ARID1B: variants seen among roughly 807,000 people sequenced by gnomAD.
The protein encoded by ARID1B is AT-rich interaction domain 1B.
A neutral mutation model predicts 212.3 loss-of-function variants in ARID1B; 30 were observed. The ratio of observed to expected loss-of-function variants is 0.14; its 90% confidence interval spans 0.11 to 0.19. The LOEUF is 0.19. ARID1B is among the 10% of genes least tolerant of loss of function. The pLI, the probability that ARID1B is intolerant of heterozygous loss-of-function variation, is 1.00. For missense variants in ARID1B, 2,891 were observed against 3,204.0 expected, an observed-to-expected ratio of 0.90 and a Z score of 2.36; for synonymous variants, 1,402 against 1,301.7, an observed-to-expected ratio of 1.08 and a Z score of -1.66.
intron 4 of ARID1B, among the ~76,000 whole-genome samples, chr6:156,974,750 A>G (rs1193277244): frequency 1.3e-5 from 2 of 152,258 alleles, no homozygotes; most frequent in African/African-American, 4.8e-5. Flanking sequence ...ACTAAAATAT[A>G]TGCTTTCACT....
At chr6:157,084,047 T>A (rs912856749) in intron 4 of ARID1B, among the ~76,000 whole-genome samples, 31 of 151,122 alleles carry the variant, frequency 2.1e-4, no homozygotes, top group Non-Finnish European at 4.1e-4. Context: ...GGCAGGAGAA[T>A]CGCTTGAACC....
At chr6:156,784,999 A>T (rs1779539139) in intron 1 of ARID1B, among the ~76,000 whole-genome samples, 1 of 152,124 alleles carries the variant, frequency 6.6e-6, no homozygotes, top group Non-Finnish European at 1.5e-5. Flanking sequence ...ACCTCAAGTG[A>T]TCCACCCTCC....
chr6:157,050,040 A>G (rs1782491375), intron 4 of ARID1B, among the ~76,000 whole-genome samples: 1 of 152,154 alleles, frequency 6.6e-6, no homozygotes, highest in Admixed American at 6.5e-5. Flanking sequence ...GAACATCAGC[A>G]CCAGCAAAAG....
chr6:157,002,662 T>C (rs189617236), intron 4 of ARID1B, among the ~76,000 whole-genome samples: 8 of 152,358 alleles, frequency 5.3e-5, no homozygotes, highest in African/African-American at 1.7e-4. Context: ...CTGGAGTATT[T>C]TAATTTAGTC....
At chr6:157,128,562 G>A (rs554038634) in intron 6 of ARID1B, among the ~76,000 whole-genome samples, 12 of 152,108 alleles carry the variant, frequency 7.9e-5, no homozygotes, top group East Asian at 5.8e-4. Flanking sequence ...TTCCTCTTAC[G>A]GCAGTATATG....
At chr6:157,110,755 A>G (rs1359669151) in intron 6 of ARID1B, 194 bp downstream of exon 6, 1 of 622,036 alleles carries the variant, frequency 1.6e-6, no homozygotes, top group Non-Finnish European at 2.8e-6. Context: ...AGGTTGGGTG[A>G]AGTGTGGTCA....
At chr6:156,942,115 C>T (rs745713679) in intron 4 of ARID1B, 5 of 151,904 alleles carry the variant, frequency 3.3e-5, no homozygotes, top group Non-Finnish European at 7.4e-5. Flanking sequence ...ATAGGAGTGT[C>T]AATTAGTTCC....
intron 4 of ARID1B, among the ~76,000 whole-genome samples, chr6:157,010,292 T>TG (rs1452038490): frequency 6.1e-5 from 9 of 148,030 alleles, no homozygotes; most frequent in African/African-American, 2.3e-4. Context: ...TTTTTTTTTT[T>TG]TTTTTTTTTT....
intron 4 of ARID1B, among the ~76,000 whole-genome samples, chr6:156,956,536 G>A (rs1464915769): frequency 3.3e-5 from 5 of 152,126 alleles, no homozygotes; most frequent in Non-Finnish European, 7.3e-5. Context: ...GGTCACCATG[G>A]AGGCTTCTTT....
chr6:156,804,209 C>T (rs1360661503), intron 1 of ARID1B, among the ~76,000 whole-genome samples: 20 of 151,974 alleles, frequency 1.3e-4, no homozygotes, highest in South Asian at 4.2e-4. Context: ...TGGTGGTGCA[C>T]GCCTGTAGTT....
chr6:156,849,591 C>G (rs1270179195), intron 2 of ARID1B, among the ~76,000 whole-genome samples: 1 of 152,138 alleles, frequency 6.6e-6, no homozygotes, highest in African/African-American at 2.4e-5. Context: ...TAAATCGTTA[C>G]AGTCTTTGCA....
chr6:157,054,309 C>T (rs910353743), intron 4 of ARID1B, among the ~76,000 whole-genome samples: 4 of 152,084 alleles, frequency 2.6e-5, no homozygotes, highest in Admixed American at 2.6e-4. Context: ...TGTCTTAAAA[C>T]TGAGATTTGT....
chr6:157,076,460 T>G (rs1399022222), intron 4 of ARID1B, among the ~76,000 whole-genome samples: 1 of 151,842 alleles, frequency 6.6e-6, no homozygotes, highest in Non-Finnish European at 1.5e-5. Flanking sequence ...AGTTGCTAAT[T>G]TATTTACAGT....
intron 4 of ARID1B, among the ~76,000 whole-genome samples, chr6:156,971,090 T>C (rs1423435751): frequency 6.6e-6 from 1 of 152,228 alleles, no homozygotes; most frequent in Non-Finnish European, 1.5e-5. Context: ...GAAAATTCTT[T>C]ATAATTAAGA....
chr6:156,794,325 C>G (rs561993778), intron 1 of ARID1B, among the ~76,000 whole-genome samples: 1 of 152,112 alleles, frequency 6.6e-6, no homozygotes, highest in South Asian at 2.1e-4. Flanking sequence ...TCATAGCTCA[C>G]TGCAACCTTG....
chr6:157,030,952 G>A (rs1261280941), intron 4 of ARID1B, among the ~76,000 whole-genome samples: 5 of 152,134 alleles, frequency 3.3e-5, no homozygotes, highest in Admixed American at 6.5e-5. Flanking sequence ...TGCACTGAGC[G>A]ATTTCAGCAA....
chr6:157,170,260 AGAT>A (rs891330594), intron 9 of ARID1B: 38 of 152,330 alleles, frequency 2.5e-4, no homozygotes, highest in African/African-American at 8.2e-4. Flanking sequence ...GCTGTTTACC[AGAT>A]GATTTGCTGT....
At chr6:156,850,996 G>A (rs529285920) in intron 2 of ARID1B, among the ~76,000 whole-genome samples, 4 of 152,234 alleles carry the variant, frequency 2.6e-5, no homozygotes, top group South Asian at 2.1e-4. Flanking sequence ...TGAACCTTGC[G>A]TATTTGTCCC....
At chr6:156,945,099 ATATTTTTTTTTT>A (rs1792987608) in intron 4 of ARID1B, among the ~76,000 whole-genome samples, 2 of 104,630 alleles carry the variant, frequency 1.9e-5, no homozygotes, top group African/African-American at 4.3e-5. Context: ...ATTTTTTTGT[ATATTTTTTTTTT>A]TTTTTAGTAG....
Sources: gnomAD v4.1 joint callset for allele counts (sites outside exome capture counted in the v4.1 genomes callset) on GRCh38, gnomAD v4.1.1 for gene constraint, MANE v1.5 for transcripts, NCBI Gene and HGNC (gene_info 2026-07-23, HGNC 2026-07-21) for gene names.